GULP1: variants seen among roughly 807,000 people sequenced by gnomAD.
GULP1 encodes the protein PTB domain-containing engulfment adapter protein 1.
GULP1 carries 19 observed loss-of-function variants against 40.9 expected under a neutral mutation model. That is an observed-to-expected ratio of 0.46 (90% confidence interval 0.32 to 0.68). GULP1 has a LOEUF of 0.68. Ranked by LOEUF, GULP1 falls within the 30% of genes least tolerant of loss-of-function variation. GULP1 has a pLI of 0.03. For synonymous variants in GULP1, 119 were observed against 117.6 expected (o/e 1.01, Z -0.08); for missense variants, 312 against 362.2 (o/e 0.86, Z 1.12).
intron 1 of GULP1, among the ~76,000 whole-genome samples, chr2:188,349,963 A>G (rs1190502983): frequency 2.0e-5 from 3 of 152,094 alleles, no homozygotes; most frequent in African/African-American, 7.2e-5. Context: ...TGTTTAAAAG[A>G]CTATTATTTC....
At chr2:188,549,342 A>C (rs1164377461) in intron 7 of GULP1, among the ~76,000 whole-genome samples, 8 of 151,906 alleles carry the variant, frequency 5.3e-5, no homozygotes, top group African/African-American at 1.9e-4. Context: ...AACAAAAGAC[A>C]ACAAGATGCA....
intron 4 of GULP1, among the ~76,000 whole-genome samples, chr2:188,500,033 T>C (rs970054076): frequency 2.6e-5 from 4 of 151,860 alleles, no homozygotes; most frequent in African/African-American, 7.2e-5. Context: ...CTAAGACATA[T>C]GTGTCCTTGG....
intron 1 of GULP1, among the ~76,000 whole-genome samples, chr2:188,315,749 T>A (rs919819017): frequency 2.0e-4 from 30 of 152,044 alleles, no homozygotes; most frequent in African/African-American, 7.0e-4. Flanking sequence ...AAGGTTTAAT[T>A]TATAAATTAG....
intron 2 of GULP1, among the ~76,000 whole-genome samples, chr2:188,469,835 G>A (rs1010493370): frequency 2.0e-5 from 3 of 152,080 alleles, no homozygotes; most frequent in East Asian, 1.9e-4. Context: ...CCTTTGATCT[G>A]TTTGTATGAT....
At chr2:188,427,946 A>G (rs564056208) in intron 2 of GULP1, among the ~76,000 whole-genome samples, 1 of 152,326 alleles carries the variant, frequency 6.6e-6, no homozygotes, top group Admixed American at 6.5e-5. Flanking sequence ...AGCCCTTGAG[A>G]GTAGCCATGG....
intron 6 of GULP1, among the ~76,000 whole-genome samples, chr2:188,529,906 A>T (rs2153233599): frequency 6.6e-6 from 1 of 152,318 alleles, no homozygotes. Flanking sequence ...AGCAGAGTTT[A>T]TTTGAACAGA....
At chr2:188,579,625 A>T (rs1334884704) in intron 9 of GULP1, among the ~76,000 whole-genome samples, 3 of 152,216 alleles carry the variant, frequency 2.0e-5, no homozygotes, top group African/African-American at 7.2e-5. Context: ...TGTGAGGACT[A>T]GTTCTGGAGT....
chr2:188,344,489 C>T (rs146547325), intron 1 of GULP1, among the ~76,000 whole-genome samples: 11 of 152,216 alleles, frequency 7.2e-5, no homozygotes, highest in African/African-American at 2.4e-4. Context: ...TTTGCAGAGC[C>T]GGTTAGATTT....
In GULP1 at chr2:188,569,283, A is replaced by G; in HGVS notation, c.444A>G (p.Ala148=). 6.2e-7 allele frequency: 1 copy of G among 1,604,070 alleles called. No homozygotes were observed. Among genetic ancestry groups the G allele is most frequent in the Non-Finnish European group, 8.5e-7 (1 of 1,170,986 alleles). ...CAATTGGCCAAGCATTTGACCTGGC[A>G]TACAGGAAATTTCTAGAATCAGGAG... is the stretch of plus-strand genomic sequence containing the variant. ...TLTIGQAFDL[A]YRKFLESGGK... Residue 148 remains alanine (A), a synonymous_variant, in exon 8 of 12, where the codon GCA becomes GCG. Coordinates refer to ENST00000409830, the MANE Select transcript of GULP1 (RefSeq NM_016315.4).
chr2:188,295,401 G>C (rs868246304), intron 1 of GULP1, among the ~76,000 whole-genome samples: 2 of 152,008 alleles, frequency 1.3e-5, no homozygotes, highest in Non-Finnish European at 2.9e-5. Flanking sequence ...TGTGATTTCT[G>C]TGCATGTTAT....
chr2:188,440,545 CTG>C (rs2152861945), intron 2 of GULP1, among the ~76,000 whole-genome samples: 1 of 152,216 alleles, frequency 6.6e-6, no homozygotes, highest in South Asian at 2.1e-4. Context: ...TTTTTATTAA[CTG>C]TAGTTTTCAC....
intron 1 of GULP1, among the ~76,000 whole-genome samples, chr2:188,351,062 C>T (rs936261365): frequency 6.6e-6 from 1 of 151,892 alleles, no homozygotes; most frequent in East Asian, 1.9e-4. Flanking sequence ...ATGGAAAAGG[C>T]AGAAAATGGC....
intron 6 of GULP1, among the ~76,000 whole-genome samples, chr2:188,539,326 T>G (rs917558428): frequency 1.3e-5 from 2 of 152,124 alleles, no homozygotes; most frequent in Non-Finnish European, 2.9e-5. Context: ...GTTATAGACC[T>G]CCTGTCAGTA....
intron 1 of GULP1, among the ~76,000 whole-genome samples, chr2:188,352,608 T>TCACA (rs773746742): frequency 6.9e-5 from 3 of 43,436 alleles, no homozygotes; most frequent in East Asian, 2.5e-3. Context: ...TCTTTCTCTC[T>TCACA]CTCTCTCTCT....
chr2:188,304,671 T>C (rs566889508), intron 1 of GULP1, among the ~76,000 whole-genome samples: 1 of 152,316 alleles, frequency 6.6e-6, no homozygotes, highest in East Asian at 1.9e-4. Context: ...TGGCAGATGC[T>C]CGATTCCTTC....
intron 7 of GULP1, chr2:188,542,184 G>A (rs977583225): frequency 1.3e-5 from 2 of 151,910 alleles, no homozygotes; most frequent in South Asian, 2.1e-4. Flanking sequence ...AAATCCTGTA[G>A]CAGTTCTTTA....
chr2:188,366,007 G>T (rs1189824689), intron 1 of GULP1, among the ~76,000 whole-genome samples: 1 of 152,122 alleles, frequency 6.6e-6, no homozygotes, highest in Non-Finnish European at 1.5e-5. Context: ...ACAATGTCCA[G>T]CAGGGAAGGA....
chr2:188,561,772 G>T (rs948440638), intron 7 of GULP1, among the ~76,000 whole-genome samples: 7 of 152,148 alleles, frequency 4.6e-5, no homozygotes, highest in Admixed American at 3.9e-4. Context: ...TTGGGCTGGG[G>T]AGTGGGGAAT....
At chr2:188,550,574 G>A (rs1490245436) in intron 7 of GULP1, among the ~76,000 whole-genome samples, 2 of 151,438 alleles carry the variant, frequency 1.3e-5, no homozygotes, top group African/African-American at 2.4e-5. Context: ...TGTAAAATAA[G>A]GCAAAGTTTA....
Sources: gnomAD v4.1 joint callset for allele counts (sites outside exome capture counted in the v4.1 genomes callset) on GRCh38, gnomAD v4.1.1 for gene constraint, MANE v1.5 for transcripts, NCBI Gene and HGNC (gene_info 2026-07-23, HGNC 2026-07-21) for gene names.